The following SPIDR variants were observed in gnomAD, a reference collection of about 807,000 sequenced individuals.
SPIDR encodes scaffold protein involved in DNA repair, also known as DNA repair-scaffolding protein.
A neutral mutation model predicts 104.6 loss-of-function variants in SPIDR; 93 were observed. That is an observed-to-expected ratio of 0.89 (90% CI 0.75 to 1.06). SPIDR has a LOEUF of 1.06. SPIDR is among the 50% of genes least tolerant of loss of function. The pLI, the probability that SPIDR is intolerant of heterozygous loss-of-function variation, is 0.00. For synonymous variants in SPIDR, 431 were observed against 416.9 expected (o/e 1.03, Z -0.41); for missense variants, 1,154 against 1,111.2 (o/e 1.04, Z -0.55).
intron 7 of SPIDR, among the ~76,000 whole-genome samples, chr8:47,411,170 T>A (rs2063475568): frequency 1.3e-5 from 2 of 152,332 alleles, no homozygotes; most frequent in Non-Finnish European, 2.9e-5. Context: ...TTTGGGTATA[T>A]ACCCAGTAAT....
rs142087479 is a variant in SPIDR, at chr8:47,628,416, A to G, written c.1544+29220A>G. 2.0e-5 allele frequency among the ~76,000 whole-genome samples: 3 copies of G among 152,352 alleles called. No individual in the cohort carries two copies. In the East Asian group the frequency reaches 5.8e-4, roughly 29 times the overall value. ...AAAATTAACAATTTTAAGAATCATT[A>G]GTTTAGGATACATTAATATAAGTTG... On this transcript the variant is annotated intron_variant, in intron 10 of 19. Transcript: ENST00000297423.
At chr8:47,349,928 G>T (rs111425847) in intron 5 of SPIDR, among the ~76,000 whole-genome samples, 1 of 152,196 alleles carries the variant, frequency 6.6e-6, no homozygotes, top group Admixed American at 6.5e-5. Context: ...TGCTTCCTGG[G>T]TGAGGCGATG....
At chr8:47,665,074 T>C (rs930175759) in intron 10 of SPIDR, among the ~76,000 whole-genome samples, 10 of 152,158 alleles carry the variant, frequency 6.6e-5, no homozygotes, top group Non-Finnish European at 1.3e-4. Context: ...TGAGCACTTA[T>C]CAAATTTGAT....
intron 7 of SPIDR, among the ~76,000 whole-genome samples, chr8:47,440,034 G>T (rs546204603): frequency 8.5e-5 from 13 of 152,210 alleles, no homozygotes; most frequent in African/African-American, 2.6e-4. Flanking sequence ...TAAAATGACG[G>T]GTCTAAGGTT....
At position 47,735,500 on chromosome 8, in the gene SPIDR, G is replaced by A; in HGVS notation, c.*50G>A. ...TTGCAATGTGGCTGCAAGGGTGGTG[G>A]TGGTGGTGGTGATTTGGGGTAGTTA... On this transcript the variant is annotated 3_prime_UTR_variant, in exon 20 of 20. Coordinates refer to ENST00000297423, the MANE Select transcript of SPIDR (RefSeq NM_001080394.4). 6.2e-7 allele frequency: 1 copy of A among 1,613,498 alleles called. No homozygotes were observed. The highest frequency in any genetic ancestry group is 8.5e-7 in the Non-Finnish European group (1 of 1,179,774).
At chr8:47,580,357 C>T (rs185208444) in intron 8 of SPIDR, among the ~76,000 whole-genome samples, 3 of 152,274 alleles carry the variant, frequency 2.0e-5, no homozygotes, top group South Asian at 2.1e-4. Context: ...CCATCCTTCC[C>T]ACTGAGCCCT....
intron 4 of SPIDR, among the ~76,000 whole-genome samples, chr8:47,292,784 T>C (rs1304001461): frequency 3.9e-5 from 6 of 152,146 alleles, no homozygotes; most frequent in African/African-American, 1.4e-4. Flanking sequence ...TACTTCAGGC[T>C]AGGAATGGTG....
intron 11 of SPIDR, among the ~76,000 whole-genome samples, chr8:47,681,876 G>T (rs1240111753): frequency 6.6e-6 from 1 of 152,152 alleles, no homozygotes; most frequent in Non-Finnish European, 1.5e-5. Context: ...ATAAAGGAGT[G>T]TGTAGAAATA....
At chr8:47,410,141 A>AAC (rs1554670200) in intron 7 of SPIDR, among the ~76,000 whole-genome samples, 1 of 152,040 alleles carries the variant, frequency 6.6e-6, no homozygotes, top group African/African-American at 2.4e-5. Context: ...AGGATGACCT[A>AAC]ATATATATGA....
rs1406970625 is a variant in SPIDR at position 47,700,432 on chromosome 8, C to A, written c.1715C>A (p.Thr572Asn). The part of the protein sequence containing the change: ...RTAGIFSLID[T>N]LWPPAIPLKT... ...GCGGGGATTTTCAGTTTGATTGACA[C>A]CCTGTGGCCCCCAGCGATACCTCTG... The change falls in exon 12 of 20, where the codon ACC becomes AAC. Residue 572 changes from threonine (T) to asparagine (N), a missense_variant. By Grantham distance (65) the Thr-to-Asn change is moderately conservative. Transcript: ENST00000297423. 6.2e-7 allele frequency: 1 copy of A among 1,614,190 alleles called. No individual in the cohort carries two copies. The highest frequency in any genetic ancestry group is 8.5e-7 in the Non-Finnish European group (1 of 1,180,036).
intron 10 of SPIDR, 188 bp from the exon 11 acceptor site, chr8:47,673,613 C>A: frequency 1.4e-6 from 1 of 712,128 alleles, no homozygotes; most frequent in East Asian, 2.8e-5. Flanking sequence ...CCTGACTCAC[C>A]CATTTAGGAA....
At chr8:47,625,311 C>T (rs2065881321) in intron 10 of SPIDR, among the ~76,000 whole-genome samples, 1 of 152,178 alleles carries the variant, frequency 6.6e-6, no homozygotes, top group East Asian at 1.9e-4. Flanking sequence ...GAAGCATTTC[C>T]TTTGAAAACT....
At chr8:47,317,730 G>A (rs1722656823) in intron 5 of SPIDR, among the ~76,000 whole-genome samples, 1 of 152,038 alleles carries the variant, frequency 6.6e-6, no homozygotes, top group Admixed American at 6.6e-5. Context: ...ACATGGCCGG[G>A]TACTCCTCTG....
At chr8:47,299,645 G>C (rs1409530021) in intron 5 of SPIDR, among the ~76,000 whole-genome samples, 2 of 152,138 alleles carry the variant, frequency 1.3e-5, no homozygotes, top group Admixed American at 1.3e-4. Flanking sequence ...AATTTATTGA[G>C]AGTTTTTAGC....
intron 8 of SPIDR, among the ~76,000 whole-genome samples, chr8:47,471,010 A>G (rs1248396440): frequency 6.6e-6 from 1 of 152,232 alleles, no homozygotes; most frequent in Non-Finnish European, 1.5e-5. Flanking sequence ...CTGGGATTAC[A>G]GGCTTGAGCC....
At chr8:47,727,008 G>A (rs1486239820) in intron 16 of SPIDR, among the ~76,000 whole-genome samples, 192 bp from the exon 17 acceptor site, 3 of 152,120 alleles carry the variant, frequency 2.0e-5, no homozygotes, top group Admixed American at 6.5e-5. Context: ...GTTTTAAAAC[G>A]TACTTCTTAT....
intron 8 of SPIDR, among the ~76,000 whole-genome samples, chr8:47,574,051 T>C (rs1021364551): frequency 7.2e-5 from 11 of 152,208 alleles, no homozygotes; most frequent in African/African-American, 2.7e-4. Flanking sequence ...TTAGCTGAGG[T>C]TTGTTCTGTT....
intron 16 of SPIDR, among the ~76,000 whole-genome samples, chr8:47,722,010 G>A (rs2083471272): frequency 6.6e-6 from 1 of 152,156 alleles, no homozygotes; most frequent in Admixed American, 6.6e-5. Flanking sequence ...TCTTATCCAT[G>A]AACATGGAAT....
At chr8:47,443,899 C>T (rs553146863) in intron 8 of SPIDR, among the ~76,000 whole-genome samples, 3 of 152,070 alleles carry the variant, frequency 2.0e-5, no homozygotes, top group Non-Finnish European at 4.4e-5. Context: ...GGTAAACTCT[C>T]ATTGGATTCC....
Sources: gnomAD v4.1 joint callset for allele counts (sites outside exome capture counted in the v4.1 genomes callset) on GRCh38, gnomAD v4.1.1 for gene constraint, MANE v1.5 for transcripts, NCBI Gene and HGNC (gene_info 2026-07-23, HGNC 2026-07-21) for gene names.